THSD4: variants seen among roughly 807,000 people sequenced by gnomAD.
THSD4 encodes the protein thrombospondin type 1 domain containing 4, also known as thrombospondin type-1 domain-containing protein 4.
THSD4 carries 69 observed loss-of-function variants against 119.0 expected under a neutral mutation model. That is an observed-to-expected ratio of 0.58 (90% CI 0.48 to 0.71). THSD4 has a LOEUF of 0.71. THSD4 is among the 30% of genes least tolerant of loss of function. The pLI, the probability that THSD4 is intolerant of heterozygous loss-of-function variation, is 0.00. For missense variants in THSD4, 1,393 were observed against 1,391.1 expected, an observed-to-expected ratio of 1.00 and a Z score of -0.02; for synonymous variants, 524 against 540.4, an observed-to-expected ratio of 0.97 and a Z score of 0.42.
chr15:71,688,711 G>C (rs1435172835), intron 8 of THSD4, among the ~76,000 whole-genome samples: 1 of 102,180 alleles, frequency 9.8e-6, no homozygotes, highest in African/African-American at 4.3e-5. Context: ...GTATCTCTGT[G>C]TGTGTGTGTG....
At chr15:71,626,260 A>G (rs952211986) in intron 7 of THSD4, among the ~76,000 whole-genome samples, 6 of 152,232 alleles carry the variant, frequency 3.9e-5, no homozygotes, top group African/African-American at 1.4e-4. Context: ...TAAGAAAAAC[A>G]ACATCTGCAA....
At chr15:71,743,727 C>G (rs2053279816) in intron 11 of THSD4, among the ~76,000 whole-genome samples, 3 of 152,190 alleles carry the variant, frequency 2.0e-5, no homozygotes, top group Admixed American at 2.0e-4. Context: ...GTTTCAGATT[C>G]AACACTGTCT....
chr15:71,682,364 AAC>A (rs1040455910), intron 8 of THSD4, among the ~76,000 whole-genome samples: 2 of 152,220 alleles, frequency 1.3e-5, no homozygotes, highest in African/African-American at 4.8e-5. Context: ...TCACAAAGTG[AAC>A]ACAGTCACGT....
intron 7 of THSD4, among the ~76,000 whole-genome samples, chr15:71,579,361 T>C (rs2049516117): frequency 6.6e-6 from 1 of 152,170 alleles, no homozygotes; most frequent in Non-Finnish European, 1.5e-5. Context: ...GAGAAGGGGC[T>C]CCTCACGCCT....
Position 71,267,450 on chromosome 15 carries a change from C to T in THSD4, c.1015+10735C>T, listed in dbSNP as rs1028923498. Among the ~76,000 whole-genome samples, 5 of 152,200 alleles carry T rather than the reference C, an allele frequency of 3.3e-5. No homozygotes were observed. The East Asian group carries it at 9.6e-4, about 29-fold the overall frequency. ...CATCACCAGGCTTGCCTTACAAGAGCTCCTGAAGGAAGCACTAAATATGGA... is the reference window on the plus strand; with the variant it reads ...CATCACCAGGCTTGCCTTACAAGAGTTCCTGAAGGAAGCACTAAATATGGA... On this transcript the variant is annotated intron_variant, in intron 6 of 17. Transcript: ENST00000261862.
At chr15:71,518,308 C>G (rs560618233) in intron 7 of THSD4, among the ~76,000 whole-genome samples, 1 of 150,672 alleles carries the variant, frequency 6.6e-6, no homozygotes, top group South Asian at 2.1e-4. Context: ...AAATTTTTAT[C>G]TGTCAGCTTT....
intron 7 of THSD4, among the ~76,000 whole-genome samples, chr15:71,445,608 C>T (rs764618180): frequency 7.2e-5 from 11 of 152,156 alleles, no homozygotes; most frequent in South Asian, 6.2e-4. Flanking sequence ...TTCTGTTCCC[C>T]GTCATCTTGA....
At chr15:71,666,550 A>G (rs552755460) in intron 8 of THSD4, among the ~76,000 whole-genome samples, 2 of 152,268 alleles carry the variant, frequency 1.3e-5, no homozygotes, top group African/African-American at 4.8e-5. Flanking sequence ...TTTCACATAC[A>G]TGGCCTTCTG....
rs544253384 is a variant in THSD4 at position 71,198,383 on chromosome 15, C to T, written c.100-16652C>T. ...ACAGAAGACTGTGCTGCCCAAATGC[C>T]ACTTTCTTCACTTGGCTCTTCCTGG... On this transcript the variant is annotated intron_variant, in intron 3 of 17. Coordinates refer to ENST00000261862, the MANE Select transcript of THSD4 (RefSeq NM_024817.3). Among the ~76,000 whole-genome samples the T allele has an allele frequency of 1.1e-4, 16 of 152,366 alleles. No individual in the cohort carries two copies. In the South Asian group the frequency reaches 3.3e-3, roughly 32 times the overall value.
chr15:71,559,199 A>AG (rs1455077429), intron 7 of THSD4, among the ~76,000 whole-genome samples: 9 of 152,066 alleles, frequency 5.9e-5, no homozygotes, highest in African/African-American at 9.7e-5. Context: ...TGGCCTGTGG[A>AG]GGGGTGGGGC....
rs1211184182 is a variant in THSD4, at chr15:71,779,369, G to A, written c.*1995G>A. ...CCACTCACCACTTGTTTTGCTGCTT[G>A]TCACGAGGAGAGTTGTTCCTGTATG... On this transcript the variant is annotated 3_prime_UTR_variant, in exon 18 of 18. Coordinates refer to ENST00000261862, the MANE Select transcript of THSD4 (RefSeq NM_024817.3). 6.6e-6 allele frequency: 1 copy of A among 152,274 alleles called. No individual in the cohort carries two copies. The highest frequency in any genetic ancestry group is 1.5e-5 in the Non-Finnish European group (1 of 68,088). The allele number at this position is 152,274 out of a possible 1,614,324, so 9.4% of individuals were successfully genotyped here.
chr15:71,135,791 T>G (rs1258441702), intron 1 of THSD4, among the ~76,000 whole-genome samples: 1 of 152,066 alleles, frequency 6.6e-6, no homozygotes, highest in Non-Finnish European at 1.5e-5. Context: ...CCCACCTCCA[T>G]GCATTATGGG....
At position 71,141,252 on chromosome 15, in the gene THSD4, T is replaced by C. The variant is rs567295556; in HGVS notation, c.-79-197T>C. On this transcript the variant is annotated intron_variant, in intron 1 of 17. Coordinates refer to ENST00000261862, the MANE Select transcript of THSD4 (RefSeq NM_024817.3). ...TGAACATCTTCTGTGGGTCAGGCAC[T>C]GTGCTGGTTGTCTTGTAAACTTGTT... Among the ~76,000 whole-genome samples the C allele has an allele frequency of 3.3e-4, 51 of 152,378 alleles. 1 individual carries two copies. In the South Asian group the frequency reaches 9.9e-3, roughly 30 times the overall value.
Position 71,746,894 on chromosome 15 carries a change from ACCGCCAGGTTCTGTG to A in THSD4, c.2103_2117del (p.Leu702_Val706del). The A allele has an allele frequency of 6.2e-7, 1 of 1,614,072 alleles. No individual in the cohort carries two copies. The highest frequency in any genetic ancestry group is 8.5e-7 in the Non-Finnish European group (1 of 1,180,028). ...AAGACCTGTGGCCTGGGCATGCAGC[ACCGCCAGGTTCTGTG>A]CCGCCAGGTGTACGCCAACCGCAGC... is the stretch of plus-strand genomic sequence containing the variant. On this transcript the variant is annotated inframe_deletion, in exon 13 of 18. Coordinates refer to ENST00000261862, the MANE Select transcript of THSD4 (RefSeq NM_024817.3).
intron 8 of THSD4, among the ~76,000 whole-genome samples, chr15:71,678,809 C>G (rs184822989): frequency 9.2e-5 from 14 of 152,318 alleles, no homozygotes; most frequent in Admixed American, 7.2e-4. Flanking sequence ...CTCCTTCTGT[C>G]TGAATTCTGA....
At chr15:71,608,407 T>C (rs936000845) in intron 7 of THSD4, among the ~76,000 whole-genome samples, 2 of 152,102 alleles carry the variant, frequency 1.3e-5, no homozygotes, top group Non-Finnish European at 2.9e-5. Flanking sequence ...CTTAACATTA[T>C]AAAAGGGATT....
chr15:71,201,090 G>A (rs2043800040), intron 3 of THSD4, among the ~76,000 whole-genome samples: 1 of 152,090 alleles, frequency 6.6e-6, no homozygotes, highest in African/African-American at 2.4e-5. Context: ...TTAAAGTCAA[G>A]TGTCATGTGT....
chr15:71,480,822 G>A (rs1486136010), intron 7 of THSD4, among the ~76,000 whole-genome samples: 1 of 152,196 alleles, frequency 6.6e-6, no homozygotes, highest in Non-Finnish European at 1.5e-5. Context: ...CTGTGAAGAG[G>A]AGCGCAGTGG....
At chr15:71,676,003 A>T (rs915521283) in intron 8 of THSD4, among the ~76,000 whole-genome samples, 3 of 152,126 alleles carry the variant, frequency 2.0e-5, no homozygotes, top group African/African-American at 7.2e-5. Flanking sequence ...CATGCATCCC[A>T]TGCTCTCTTT....
Sources: allele counts gnomAD v4.1 joint callset (sites outside exome capture counted in the v4.1 genomes callset), GRCh38; gene constraint gnomAD v4.1.1; transcripts MANE v1.5; gene names NCBI Gene and HGNC (gene_info 2026-07-23, HGNC 2026-07-21).